NINL: variants seen among roughly 807,000 people sequenced by gnomAD.
The protein encoded by NINL is ninein-like protein.
NINL carries 153 observed loss-of-function variants against 160.3 expected under a neutral mutation model. The ratio of observed to expected loss-of-function variants is 0.95; its 90% CI spans 0.84 to 1.09. The LOEUF is 1.09. Ranked by LOEUF, NINL falls within the 50% of genes least tolerant of loss-of-function variation. The pLI is 0.00. For missense variants in NINL, 1,829 were observed against 1,764.0 expected, an observed-to-expected ratio of 1.04 and a Z score of -0.66; for synonymous variants, 800 against 734.8, an observed-to-expected ratio of 1.09 and a Z score of -1.43.
intron 1 of NINL, among the ~76,000 whole-genome samples, chr20:25,581,493 T>C (rs1286155778): frequency 6.6e-6 from 1 of 151,836 alleles, no homozygotes. Flanking sequence ...AGAAAGAATG[T>C]GCTCACAGAG....
At position 25,521,399 on chromosome 20, in the gene NINL, T is replaced by C. The variant is rs577381363; in HGVS notation, c.181-3550A>G. 3.1e-4 allele frequency among the ~76,000 whole-genome samples: 47 copies of C among 152,394 alleles called. No homozygotes were observed. The South Asian group carries it at 7.4e-3, about 24-fold the overall frequency. On this transcript the variant is annotated intron_variant, in intron 2 of 23. Transcript: ENST00000278886. Reference sequence around the variant, plus strand: ...TGTTTTATATTTTGTGTCTAACAATTCTAATATCTCACATATTTGCGGGTG... The same window carrying C: ...TGTTTTATATTTTGTGTCTAACAATCCTAATATCTCACATATTTGCGGGTG...
In NINL at chr20:25,489,950, C is replaced by G; in HGVS notation, c.1521G>C (p.Val507=). 1 of 1,614,184 alleles carries G rather than the reference C, an allele frequency of 6.2e-7. No individual in the cohort carries two copies. The highest frequency in any genetic ancestry group is 8.5e-7 in the Non-Finnish European group (1 of 1,180,032). ...TCTCCGAATCCGAAAGCTTTTCCAC[C>G]ACTTCCACAATCTCCTTCTGTAGGC... ...NSRLQKEIVE[V]VEKLSDSERL... is the part of the protein sequence containing the mutation. Residue 507 remains valine, a synonymous_variant, in exon 12 of 24, where the codon GTG becomes GTC. Transcript: ENST00000278886.
intron 23 of NINL, among the ~76,000 whole-genome samples, chr20:25,454,823 T>G (rs967900644): frequency 6.6e-6 from 1 of 152,226 alleles, no homozygotes; most frequent in Non-Finnish European, 1.5e-5. Flanking sequence ...ACCAGGTGAG[T>G]TATGGCACCT....
rs983599706 is a variant in NINL, at chr20:25,499,378, T to G, written c.1033-1032A>C. Among the ~76,000 whole-genome samples, 5 of 152,300 alleles carry G rather than the reference T, an allele frequency of 3.3e-5. No individual in the cohort carries two copies. In the East Asian group the frequency reaches 5.8e-4, roughly 18 times the overall value. On this transcript the variant is annotated intron_variant, in intron 8 of 23. Coordinates refer to ENST00000278886, the MANE Select transcript of NINL (RefSeq NM_025176.6). ...AGCGAGGGAGAAGCCACCCAGGGCG[T>G]CTTTGCAGAGCAGCACCAGCAGCTC...
chr20:25,535,615 A>G (rs577450874), intron 1 of NINL, among the ~76,000 whole-genome samples: 2 of 152,292 alleles, frequency 1.3e-5, no homozygotes, highest in Admixed American at 1.3e-4. Flanking sequence ...AACATTACAG[A>G]ACTGTACACT....
chr20:25,526,076 C>A (rs2064352851), intron 2 of NINL, among the ~76,000 whole-genome samples: 1 of 152,234 alleles, frequency 6.6e-6, no homozygotes, highest in South Asian at 2.1e-4. Flanking sequence ...GAGCTGCTCA[C>A]AGGTCCAACC....
At chr20:25,506,532 T>C (rs1007144410) in intron 5 of NINL, among the ~76,000 whole-genome samples, 1 of 152,090 alleles carries the variant, frequency 6.6e-6, no homozygotes, top group Non-Finnish European at 1.5e-5. Flanking sequence ...AAGCTGAAAA[T>C]GTCAAGTCAA....
chr20:25,506,372 G>T (rs917279005), intron 5 of NINL, among the ~76,000 whole-genome samples: 1 of 152,202 alleles, frequency 6.6e-6, no homozygotes, highest in African/African-American at 2.4e-5. Context: ...AAAGAGTAAA[G>T]TGAAGCCCAC....
intron 13 of NINL, among the ~76,000 whole-genome samples, chr20:25,487,687 T>C (rs973501325): frequency 2.0e-5 from 3 of 152,366 alleles, no homozygotes; most frequent in South Asian, 2.1e-4. Flanking sequence ...GAAAGAACCA[T>C]GTGGTGAACG....
intron 1 of NINL, among the ~76,000 whole-genome samples, chr20:25,551,172 GCA>G (rs1362437885): frequency 7.1e-6 from 1 of 141,402 alleles, no homozygotes; most frequent in South Asian, 2.4e-4. Flanking sequence ...AGTCAATACA[GCA>G]CATGTTTTCT....
chr20:25,548,255 TGAGGAAGCCAAA>T (rs1225069191), intron 1 of NINL, among the ~76,000 whole-genome samples: 1 of 152,156 alleles, frequency 6.6e-6, no homozygotes, highest in Non-Finnish European at 1.5e-5. Flanking sequence ...AGCTATCAAA[TGAGGAAGCCAAA>T]CCTGATCCCA....
chr20:25,481,827 A>G (rs2063394230), intron 14 of NINL, 141 bp downstream of exon 14: 1 of 1,237,874 alleles, frequency 8.1e-7, no homozygotes, highest in Non-Finnish European at 1.1e-6. Flanking sequence ...CCTCCTTGGA[A>G]AGTCCCTGCA....
At chr20:25,493,813 A>C (rs934833531) in intron 10 of NINL, among the ~76,000 whole-genome samples, 4 of 151,990 alleles carry the variant, frequency 2.6e-5, no homozygotes, top group African/African-American at 9.7e-5. Flanking sequence ...AGGGCAGGGA[A>C]CTCGGGCCTT....
intron 11 of NINL, 22 bp downstream of exon 11, chr20:25,491,329 G>A: frequency 1.3e-6 from 2 of 1,587,632 alleles, no homozygotes; most frequent in East Asian, 2.3e-5. Context: ...CAGCTTCCTG[G>A]ATGCCCTGGG....
At chr20:25,543,236 G>T (rs959212705) in intron 1 of NINL, among the ~76,000 whole-genome samples, 12 of 151,840 alleles carry the variant, frequency 7.9e-5, no homozygotes, top group African/African-American at 2.2e-4. Context: ...CAAAATTGCA[G>T]GATACAAAAT....
chr20:25,552,406 G>A (rs886235044), intron 1 of NINL, among the ~76,000 whole-genome samples: 5 of 151,854 alleles, frequency 3.3e-5, no homozygotes, highest in African/African-American at 9.7e-5. Flanking sequence ...ATATACATAG[G>A]TTAAACCACT....
At chr20:25,552,397 T>C (rs1028543337) in intron 1 of NINL, among the ~76,000 whole-genome samples, 13 of 151,934 alleles carry the variant, frequency 8.6e-5, no homozygotes, top group African/African-American at 2.9e-4. Context: ...AAACTAACCA[T>C]ATACATAGGT....
chr20:25,533,665 C>T (rs1441405420), intron 1 of NINL, among the ~76,000 whole-genome samples: 1 of 152,134 alleles, frequency 6.6e-6, no homozygotes, highest in Non-Finnish European at 1.5e-5. Context: ...GGTGTCAAGA[C>T]CACAAAACGG....
intron 1 of NINL, among the ~76,000 whole-genome samples, chr20:25,549,922 C>G (rs866570017): frequency 6.6e-6 from 1 of 152,188 alleles, no homozygotes; most frequent in Non-Finnish European, 1.5e-5. Context: ...AAACATCCTT[C>G]TAAAAGGGGA....
Sources: gnomAD v4.1 joint callset for allele counts (sites outside exome capture counted in the v4.1 genomes callset) on GRCh38, gnomAD v4.1.1 for gene constraint, MANE v1.5 for transcripts, NCBI Gene and HGNC (gene_info 2026-07-23, HGNC 2026-07-21) for gene names.